Variants in FBXO34 observed in about 807,000 individuals in gnomAD.
FBXO34 encodes the protein F-box protein 34, also known as F-box only protein 34.
Under a neutral mutation model 24.5 loss-of-function variants are expected in FBXO34, and 12 were observed. The observed-to-expected ratio is 0.49, with a 90% CI of 0.31 to 0.79. The LOEUF is 0.79. Ranked by LOEUF, FBXO34 falls within the 30% of genes least tolerant of loss-of-function variation. FBXO34 has a pLI of 0.04. For synonymous variants in FBXO34, 320 were observed against 311.9 expected (o/e 1.03, Z -0.27); for missense variants, 823 against 857.7 (o/e 0.96, Z 0.51).
At chr14:55,321,727 C>A (rs7151581) in intron 1 of FBXO34, among the ~76,000 whole-genome samples, 1 of 151,922 alleles carries the variant, frequency 6.6e-6, no homozygotes, top group African/African-American at 2.4e-5. Context: ...GGTCCCAGTG[C>A]TTAGCTCAGT....
At chr14:55,374,122 G>T (rs1206118079), downstream of FBXO34, among the ~76,000 whole-genome samples, 1 of 152,220 alleles carries the variant, frequency 6.6e-6, no homozygotes, top group Non-Finnish European at 1.5e-5. Context: ...TACCAGCAAC[G>T]CTGGATTCAT....
intron 1 of FBXO34, among the ~76,000 whole-genome samples, chr14:55,298,282 C>T (rs1882210288): frequency 1.3e-5 from 2 of 151,472 alleles, no homozygotes; most frequent in African/African-American, 4.8e-5. Context: ...ACAGTTCTTT[C>T]AGTGTGGCCC....
At chr14:55,385,968 T>C in the FBXO34 span, 3 of 1,614,166 alleles carry the variant, frequency 1.9e-6, no homozygotes, top group East Asian at 2.2e-5. Flanking sequence ...AAGTCAATGG[T>C]CTTTTTTTCT....
At chr14:55,289,693 G>C (rs1881878127) in intron 1 of FBXO34, among the ~76,000 whole-genome samples, 1 of 152,016 alleles carries the variant, frequency 6.6e-6, no homozygotes, top group East Asian at 1.9e-4. Flanking sequence ...GCACCACTAC[G>C]TCCAGCTAGT....
chr14:55,420,821 T>C, the FBXO34 span, among the ~76,000 whole-genome samples: 3 of 151,768 alleles, frequency 2.0e-5, no homozygotes, highest in African/African-American at 7.3e-5. Flanking sequence ...GCACTTTGGG[T>C]GGCCGAGGCG....
chr14:55,407,111 A>T, the FBXO34 span, among the ~76,000 whole-genome samples: 4 of 151,900 alleles, frequency 2.6e-5, no homozygotes, highest in Non-Finnish European at 4.4e-5. Context: ...ACAGGCCTGC[A>T]ACACAACACC....
intron 1 of FBXO34, among the ~76,000 whole-genome samples, chr14:55,320,527 A>G (rs1411494605): frequency 2.0e-5 from 3 of 152,160 alleles, no homozygotes; most frequent in African/African-American, 7.2e-5. Flanking sequence ...TGAGGCGGGC[A>G]GATCACGAGG....
the FBXO34 span, chr14:55,440,490 G>A: frequency 7.4e-6 from 12 of 1,612,504 alleles, no homozygotes; most frequent in African/African-American, 6.7e-5. Context: ...CGGGTAAGAG[G>A]GTAAGCGCGG....
At chr14:55,281,734 T>G (rs991044022) in intron 1 of FBXO34, among the ~76,000 whole-genome samples, 25 of 152,236 alleles carry the variant, frequency 1.6e-4, no homozygotes, top group African/African-American at 6.0e-4. Context: ...CTATGGTGTA[T>G]ATTGAGTACT....
chr14:55,277,636 C>T (rs190167481), intron 1 of FBXO34, among the ~76,000 whole-genome samples: 4 of 152,112 alleles, frequency 2.6e-5, no homozygotes, highest in African/African-American at 9.7e-5. Context: ...GCATGTACCA[C>T]GGGCTTAGTC....
chr14:55,397,305 G>A, the FBXO34 span: 1 of 1,311,918 alleles, frequency 7.6e-7, no homozygotes, highest in Admixed American at 1.8e-5. Context: ...GCATACCACA[G>A]CACTGAATTC....
chr14:55,272,585 T>C (rs896572260), intron 1 of FBXO34, among the ~76,000 whole-genome samples: 5 of 149,394 alleles, frequency 3.3e-5, no homozygotes, highest in African/African-American at 1.3e-4. Flanking sequence ...TGTTAGAAAA[T>C]GGCCAGGAGG....
chr14:55,439,231 A>AC, the FBXO34 span, among the ~76,000 whole-genome samples: 4 of 142,456 alleles, frequency 2.8e-5, no homozygotes, highest in African/African-American at 1.0e-4. Context: ...GAGCCACCTC[A>AC]CCCTGCCCAA....
chr14:55,383,719 T>A, the FBXO34 span, among the ~76,000 whole-genome samples: 1 of 151,836 alleles, frequency 6.6e-6, no homozygotes, highest in East Asian at 1.9e-4. Context: ...ATCATACCAT[T>A]GCACTCCAGC....
chr14:55,424,889 G>A, the FBXO34 span, among the ~76,000 whole-genome samples: 1 of 152,188 alleles, frequency 6.6e-6, no homozygotes, highest in Non-Finnish European at 1.5e-5. Flanking sequence ...ACTCCAGCCT[G>A]GAGAGGAGGG....
intron 1 of FBXO34, among the ~76,000 whole-genome samples, chr14:55,337,083 C>T (rs1448637697): frequency 6.6e-6 from 1 of 151,446 alleles, no homozygotes; most frequent in Admixed American, 6.6e-5. Flanking sequence ...TCGAGATCCT[C>T]TTGCCTTAGC....
the FBXO34 span, chr14:55,414,034 C>T: frequency 3.7e-6 from 2 of 542,422 alleles, no homozygotes; most frequent in African/African-American, 1.9e-5. Context: ...TCAGGTGCCT[C>T]ACCTCTTTCC....
the FBXO34 span, chr14:55,436,804 TC>T: frequency 1.2e-6 from 2 of 1,614,104 alleles, no homozygotes; most frequent in Non-Finnish European, 8.5e-7. Context: ...AGAATTTTCT[TC>T]AGTTTCGTGT....
intron 1 of FBXO34, among the ~76,000 whole-genome samples, chr14:55,343,855 G>A (rs1014509551): frequency 1.3e-5 from 2 of 152,182 alleles, no homozygotes; most frequent in Non-Finnish European, 2.9e-5. Flanking sequence ...CTCTTTAGGT[G>A]TTAGGATTTA....
Sources: gnomAD v4.1 joint callset for allele counts (sites outside exome capture counted in the v4.1 genomes callset) on GRCh38, gnomAD v4.1.1 for gene constraint, MANE v1.5 for transcripts, NCBI Gene and HGNC (gene_info 2026-07-23, HGNC 2026-07-21) for gene names.